Variants in CEP44 observed in about 807,000 individuals in gnomAD.
The protein encoded by CEP44 is centrosomal protein of 44 kDa.
In CEP44, 45 loss-of-function variants were observed where a neutral mutation model predicts 46.7. That is an observed-to-expected ratio of 0.96 (90% CI 0.76 to 1.24). CEP44 has a LOEUF of 1.24. Among genes scored for constraint, CEP44 ranks in the 50% most tolerant of loss-of-function variants. The pLI is 0.00. For missense variants in CEP44, 475 were observed against 459.7 expected, an observed-to-expected ratio of 1.03 and a Z score of -0.30; for synonymous variants, 142 against 146.0, an observed-to-expected ratio of 0.97 and a Z score of 0.20.
chr4:174,319,097 C>G lies in CEP44; in HGVS notation c.*1714C>G, dbSNP rs1579163178. On this transcript the variant is annotated 3_prime_UTR_variant, in exon 12 of 12. Coordinates refer to ENST00000503780, the MANE Select transcript of CEP44 (RefSeq NM_001040157.3). The stretch of plus-strand genomic sequence containing the variant: ...GTGCTAGATTCCATGGGTGAGTCAC[C>G]ATGCTTGGCCACATTTTTAGTATTC... 3.1e-6 allele frequency: 3 copies of G among 981,374 alleles called. No individual in the cohort carries two copies. The African/African-American group carries it at 5.2e-5, about 17-fold the overall frequency. The allele number at this position is 981,374 out of a possible 1,614,324, so 60.8% of individuals were successfully genotyped here.
intron 10 of CEP44, 102 bp from the exon 11 acceptor site, chr4:174,316,428 C>T: frequency 7.4e-7 from 1 of 1,353,978 alleles, no homozygotes; most frequent in Non-Finnish European, 1.0e-6. Context: ...GTAAACAGTA[C>T]TTAATGCAAT....
chr4:174,285,458 T>C (rs926575949), intron 1 of CEP44: 5 of 152,168 alleles, frequency 3.3e-5, no homozygotes, highest in African/African-American at 7.2e-5. Flanking sequence ...CTCTTCAAAA[T>C]ATTTATTCAC....
Position 174,318,827 on chromosome 4 carries a change from T to C in CEP44, c.*1444T>C. On this transcript the variant is annotated 3_prime_UTR_variant, in exon 12 of 12. Coordinates refer to ENST00000503780, the MANE Select transcript of CEP44 (RefSeq NM_001040157.3). ...CCTTTGTTTTTTTTTTTTTTCTTTTTGAAACAGGGTCTCACTCTATTGCCC... is the reference window on the plus strand; with the variant it reads ...CCTTTGTTTTTTTTTTTTTTCTTTTCGAAACAGGGTCTCACTCTATTGCCC... The C allele has an allele frequency of 4.7e-6, 3 of 644,162 alleles. No individual in the cohort carries two copies. The highest frequency in any genetic ancestry group is 5.8e-6 in the Non-Finnish European group (3 of 519,424). 39.9% of individuals were successfully genotyped at this position (644,162 alleles called of 1,614,324 possible).
chr4:174,321,979 G>A (rs904125450), downstream of CEP44, among the ~76,000 whole-genome samples: 2 of 152,072 alleles, frequency 1.3e-5, no homozygotes, highest in African/African-American at 4.8e-5. Context: ...GCCATCTTCT[G>A]TTTAAGTAAG....
chr4:174,291,791 T>C (rs1054938139), intron 1 of CEP44, among the ~76,000 whole-genome samples: 21 of 117,464 alleles, frequency 1.8e-4, no homozygotes, highest in Non-Finnish European at 3.5e-5. Flanking sequence ...TCTTTTCTTT[T>C]TTTTTTTTTT....
At chr4:174,333,333 A>G (rs113997497) in exon 9 of CEP44, 2,018 of 149,162 alleles carry the variant, frequency 0.014, 28 homozygotes, top group Non-Finnish European at 0.019. Context: ...AAATATGATG[A>G]TAAAGTTCAT....
Position 174,303,799 on chromosome 4 carries a change from A to G in CEP44, c.334A>G (p.Ile112Val), listed in dbSNP as rs140864677. ...AEWKIQIVCDILNCVMKKHKE... is the reference protein window; with the variant it reads ...AEWKIQIVCDVLNCVMKKHKE... ...ATGGAAAATCCAAATTGTTTGTGAT[A>G]TTTTGAATTGTGTGATGAAAAAGCA... Residue 112 changes from isoleucine (I) to valine (V), a missense_variant, in exon 5 of 12, where the codon ATT becomes GTT. Physicochemically the swap from Ile to Val is conservative, Grantham distance 29 (BLOSUM62 3). Coordinates refer to ENST00000503780, the MANE Select transcript of CEP44 (RefSeq NM_001040157.3). 1.3e-5 allele frequency: 20 copies of G among 1,574,696 alleles called. No homozygotes were observed. Among genetic ancestry groups the G allele is most frequent in the Non-Finnish European group, 1.6e-5 (18 of 1,150,880 alleles).
intron 1 of CEP44, among the ~76,000 whole-genome samples, chr4:174,295,396 C>A (rs916424660): frequency 6.6e-6 from 1 of 151,128 alleles, no homozygotes; most frequent in African/African-American, 2.4e-5. Context: ...GATGGGCGGC[C>A]GGGCAGAGAC....
downstream of CEP44, among the ~76,000 whole-genome samples, chr4:174,320,684 C>CTGTGTGTGTGTA (rs1553987087): frequency 6.8e-6 from 1 of 147,412 alleles, no homozygotes; most frequent in East Asian, 2.1e-4. Context: ...TGAGTGTGCT[C>CTGTGTGTGTGTA]TGTGTGTGTG....
Position 174,301,284 on chromosome 4 carries a change from A to AC in CEP44, c.90-754dup, listed in dbSNP as rs1739675530. On this transcript the variant is annotated intron_variant, in intron 3 of 11. Transcript: ENST00000503780. This position sits in a 1 kb window ranked among gnomAD's most constrained non-coding sequence, Gnocchi z 4.3. The stretch of plus-strand genomic sequence containing the variant: ...TTGTTGTGGGAAAATCAGTGAAGGT[A>AC]CTTCACATTGAGAAAATAAGACAGG... Among the ~76,000 whole-genome samples, 2 of 152,184 alleles carry AC rather than the reference A, an allele frequency of 1.3e-5. No individual in the cohort carries two copies. The highest frequency in any genetic ancestry group is 4.8e-5 in the African/African-American group (2 of 41,462).
rs2126676486 is a variant in CEP44 at position 174,318,522 on chromosome 4, C to G, written c.*1139C>G. On this transcript the variant is annotated 3_prime_UTR_variant, in exon 12 of 12. Transcript: ENST00000503780. Reference sequence around the variant, plus strand: ...TTAATATTACTACTATATGAATTATCTTTTTTTAAACTTGTAGATAAAAGT... The same window carrying G: ...TTAATATTACTACTATATGAATTATGTTTTTTTAAACTTGTAGATAAAAGT... 2.3e-6 allele frequency: 2 copies of G among 882,268 alleles called. No individual in the cohort carries two copies. The highest frequency in any genetic ancestry group is 1.2e-4 in the East Asian group (1 of 8,336). 54.7% of individuals were successfully genotyped at this position (882,268 alleles called of 1,614,324 possible). A position where few individuals can be genotyped will look rare whatever the true frequency, so the allele number is the denominator to read the frequency against.
rs1008286047 is a variant in CEP44 at position 174,297,966 on chromosome 4, A to C, written c.-147A>C. The C allele has an allele frequency of 2.0e-5, 3 of 152,146 alleles. No individual in the cohort carries two copies. Among genetic ancestry groups the C allele is most frequent in the Non-Finnish European group, 4.4e-5 (3 of 68,086 alleles). The allele number at this position is 152,146 out of a possible 1,614,324, so 9.4% of individuals were successfully genotyped here. A position where few individuals can be genotyped will look rare whatever the true frequency, so the allele number is the denominator to read the frequency against. On this transcript the variant is annotated splice_region_variant and 5_prime_UTR_variant, in exon 2 of 12. Transcript: ENST00000503780. This position sits in a 1 kb window ranked among gnomAD's most constrained non-coding sequence, Gnocchi z 4.3. ...CTGGACTTACCCCTTTGTCTTTCAG[A>C]AGCATCAAGTGTACCTGATTTGTGA...
At chr4:174,284,057 A>T (rs1416615117) in intron 1 of CEP44, 114 bp downstream of exon 1, 2 of 399,110 alleles carry the variant, frequency 5.0e-6, no homozygotes, top group South Asian at 2.5e-4. Context: ...GACTCTGGTG[A>T]CTGTGTATGG....
intron 4 of CEP44, 101 bp from the exon 5 acceptor site, chr4:174,303,602 C>A: frequency 1.5e-6 from 1 of 656,590 alleles, no homozygotes; most frequent in Non-Finnish European, 2.6e-6. Flanking sequence ...TCCTTGTCCT[C>A]TCAAAGGTGG....
At chr4:174,306,623 A>G (rs1219334224) in intron 6 of CEP44, among the ~76,000 whole-genome samples, 1 of 152,070 alleles carries the variant, frequency 6.6e-6, no homozygotes, top group East Asian at 1.9e-4. Flanking sequence ...TTTGATATAT[A>G]TATTATATGT....
chr4:174,329,123 G>A lies in CEP44; in HGVS notation c.1087-2359G>A, dbSNP rs578151470. Among the ~76,000 whole-genome samples, 93 of 151,776 alleles carry A rather than the reference G, an allele frequency of 6.1e-4. No individual in the cohort carries two copies. Among genetic ancestry groups the A allele is most frequent in the African/African-American group, 2.1e-3 (87 of 41,388 alleles). The stretch of plus-strand genomic sequence containing the variant: ...CACTGCACCTGGATTTTTTTTTATT[G>A]GTATTTTTTCGGATTTGGGATCTCA... On this transcript the variant is annotated intron_variant, in intron 8 of 8. Coordinates refer to the CEP44 transcript ENST00000426172. The surrounding 1 kb of genome is among the most constrained non-coding windows in gnomAD (Gnocchi z 4.0).
rs1423440016 is a variant in CEP44, at chr4:174,320,116, A to C, written c.*2733A>C. On this transcript the variant is annotated 3_prime_UTR_variant, in exon 12 of 12. Coordinates refer to ENST00000503780, the MANE Select transcript of CEP44 (RefSeq NM_001040157.3). ...TGTTATGCTCTGAATAGGTCTCGGT[A>C]AAGATTATATGGAAATACTATAAAG... 1 of 985,236 alleles carries C rather than the reference A, an allele frequency of 1.0e-6. No individual in the cohort carries two copies. Among genetic ancestry groups the C allele is most frequent in the Non-Finnish European group, 1.2e-6 (1 of 829,888 alleles). 61.0% of individuals were successfully genotyped at this position (985,236 alleles called of 1,614,324 possible). A position where few individuals can be genotyped will look rare whatever the true frequency, so the allele number is the denominator to read the frequency against.
intron 10 of CEP44, 65 bp downstream of exon 10, chr4:174,316,355 G>T: frequency 6.6e-7 from 1 of 1,517,366 alleles, no homozygotes; most frequent in South Asian, 1.2e-5. Context: ...AGCTTTTGTT[G>T]TAAATATTGC....
intron 4 of CEP44, among the ~76,000 whole-genome samples, chr4:174,303,383 T>C (rs1739983988): frequency 1.3e-5 from 2 of 152,210 alleles, no homozygotes; most frequent in Admixed American, 6.5e-5. Context: ...TGGTATGGTA[T>C]TCTAGTGAAC....
Sources: allele counts gnomAD v4.1 joint callset (sites outside exome capture counted in the v4.1 genomes callset), GRCh38; gene constraint gnomAD v4.1.1; non-coding constraint Gnocchi (gnomAD v3.1); transcripts MANE v1.5; gene names NCBI Gene and HGNC (gene_info 2026-07-23, HGNC 2026-07-21).